Variants in MAD1L1 observed in about 807,000 individuals in gnomAD.
The protein encoded by MAD1L1 is mitotic arrest deficient 1 like 1.
Under a neutral mutation model 96.9 loss-of-function variants are expected in MAD1L1, and 95 were observed. The ratio of observed to expected loss-of-function variants is 0.98; its 90% confidence interval spans 0.83 to 1.16. The LOEUF (loss-of-function observed/expected upper bound fraction) is 1.16. Among genes scored for constraint, MAD1L1 ranks in the 50% most tolerant of loss-of-function variants. The pLI is 0.00. For missense variants in MAD1L1, 1,007 were observed against 954.4 expected (o/e 1.06, Z -0.73); for synonymous variants, 473 against 396.6 (o/e 1.19, Z -2.29).
chr7:2,167,842 C>G (rs1014167563), intron 10 of MAD1L1, among the ~76,000 whole-genome samples: 12 of 151,950 alleles, frequency 7.9e-5, no homozygotes, highest in African/African-American at 2.7e-4. Flanking sequence ...TGATACCAGC[C>G]AGGGCAACAT....
At chr7:2,118,597 A>G (rs1162656784) in intron 11 of MAD1L1, among the ~76,000 whole-genome samples, 2 of 152,222 alleles carry the variant, frequency 1.3e-5, no homozygotes, top group Non-Finnish European at 2.9e-5. Flanking sequence ...TGTTGGTGAC[A>G]GGCCCTCGAT....
chr7:1,894,728 C>T (rs1786760106), intron 18 of MAD1L1, among the ~76,000 whole-genome samples: 1 of 151,938 alleles, frequency 6.6e-6, no homozygotes, highest in Admixed American at 6.6e-5. Context: ...GAGCGGGGTG[C>T]TAGGCACAGC....
chr7:1,908,620 C>A (rs968435571), intron 17 of MAD1L1, among the ~76,000 whole-genome samples: 1 of 152,234 alleles, frequency 6.6e-6, no homozygotes, highest in South Asian at 2.1e-4. Flanking sequence ...GTGTGCCTCC[C>A]ACAGTGTTGG....
At chr7:1,855,242 G>A (rs898434144) in intron 18 of MAD1L1, among the ~76,000 whole-genome samples, 3 of 152,054 alleles carry the variant, frequency 2.0e-5, no homozygotes, top group African/African-American at 7.2e-5. Flanking sequence ...GGCAGACGGG[G>A]CCTGAGGTCA....
intron 15 of MAD1L1, among the ~76,000 whole-genome samples, chr7:1,975,667 G>A (rs1708503473): frequency 1.3e-5 from 2 of 152,198 alleles, no homozygotes; most frequent in South Asian, 4.1e-4. Flanking sequence ...CTGGCCCTCT[G>A]GAAAGGACGT....
intron 17 of MAD1L1, among the ~76,000 whole-genome samples, chr7:1,922,176 G>C (rs1312315087): frequency 1.3e-5 from 2 of 152,342 alleles, no homozygotes; most frequent in Non-Finnish European, 2.9e-5. Context: ...AGCATCACCA[G>C]CCCAGCGGCG....
At chr7:2,218,717 G>C (rs1470051757) in intron 6 of MAD1L1, among the ~76,000 whole-genome samples, 1 of 151,736 alleles carries the variant, frequency 6.6e-6, no homozygotes, top group Non-Finnish European at 1.5e-5. Context: ...GACCAGCCTG[G>C]GTTACAAAGC....
chr7:1,927,672 C>T (rs1217138615), intron 17 of MAD1L1, among the ~76,000 whole-genome samples: 1 of 152,134 alleles, frequency 6.6e-6, no homozygotes. Context: ...CAAGCTCACA[C>T]CATGGGCAAA....
intron 12 of MAD1L1, among the ~76,000 whole-genome samples, chr7:2,034,492 A>G (rs56269126): frequency 0.15 from 22,266 of 152,250 alleles, 3,518 homozygotes; most frequent in African/African-American, 0.39. Flanking sequence ...CTAGGATTAC[A>G]GGCATGAGCC....
At chr7:2,161,138 G>A (rs1363695082) in intron 10 of MAD1L1, among the ~76,000 whole-genome samples, 4 of 1,134 alleles carry the variant, frequency 3.5e-3, no homozygotes, top group East Asian at 0.025. Flanking sequence ...CCCTTTGCAC[G>A]GTCTCCCTCT....
intron 17 of MAD1L1, among the ~76,000 whole-genome samples, chr7:1,913,113 T>C (rs140170253): frequency 1.1e-4 from 17 of 152,342 alleles, no homozygotes; most frequent in Non-Finnish European, 1.6e-4. Context: ...CCTGTCTCTT[T>C]TCCCCTTTTG....
Position 1,866,675 on chromosome 7 carries a change from G to A in MAD1L1, c.1998+31525C>T, listed in dbSNP as rs545662815. Among the ~76,000 whole-genome samples the A allele has an allele frequency of 2.2e-4, 33 of 152,352 alleles. No individual in the cohort carries two copies. In the Middle Eastern group the frequency reaches 0.01, roughly 47 times the overall value. On this transcript the variant is annotated intron_variant, in intron 18 of 18. Coordinates refer to ENST00000265854, the MANE Select transcript of MAD1L1 (RefSeq NM_001013836.2). ...TGCCGGCCAGCCCCAGAGCAGTCCTGCTTGGCGGGAGCGTTGGGGGCAGGC... is the reference window on the plus strand; with the variant it reads ...TGCCGGCCAGCCCCAGAGCAGTCCTACTTGGCGGGAGCGTTGGGGGCAGGC...
intron 18 of MAD1L1, among the ~76,000 whole-genome samples, chr7:1,876,064 C>T: frequency 6.6e-6 from 1 of 152,246 alleles, no homozygotes; most frequent in East Asian, 1.9e-4. Flanking sequence ...TTTGCGGTCT[C>T]AGCCCCCCGC....
At chr7:2,123,675 C>T (rs950385386) in intron 11 of MAD1L1, among the ~76,000 whole-genome samples, 1 of 152,194 alleles carries the variant, frequency 6.6e-6, no homozygotes, top group Non-Finnish European at 1.5e-5. Context: ...TACCAGGAAG[C>T]GAGTCGGAGG....
chr7:2,204,647 T>A (rs1411780847), intron 10 of MAD1L1, among the ~76,000 whole-genome samples: 4 of 152,272 alleles, frequency 2.6e-5, no homozygotes, highest in African/African-American at 9.6e-5. Context: ...TGCCGCGCAT[T>A]ACACTGCGTG....
At chr7:2,150,745 A>T (rs549857055) in intron 10 of MAD1L1, among the ~76,000 whole-genome samples, 4 of 152,192 alleles carry the variant, frequency 2.6e-5, no homozygotes, top group Non-Finnish European at 5.9e-5. Flanking sequence ...ACACACACCC[A>T]GGGCTGGTCA....
intron 10 of MAD1L1, among the ~76,000 whole-genome samples, chr7:2,204,309 C>T (rs569172720): frequency 3.9e-5 from 6 of 152,294 alleles, no homozygotes; most frequent in South Asian, 2.1e-4. Context: ...AAGAGCTGAC[C>T]GTCTGCTGTT....
At chr7:2,172,467 A>AG (rs573445844) in intron 10 of MAD1L1, among the ~76,000 whole-genome samples, 178 of 152,304 alleles carry the variant, frequency 1.2e-3, no homozygotes, top group Non-Finnish European at 1.8e-3. Context: ...GGGTCTCCAG[A>AG]GAACATCCAC....
intron 13 of MAD1L1, among the ~76,000 whole-genome samples, chr7:2,003,494 G>C (rs1781896588): frequency 6.6e-6 from 1 of 152,098 alleles, no homozygotes; most frequent in Non-Finnish European, 1.5e-5. Context: ...CCAGGCTCTG[G>C]ACTTCCCACG....
Sources: allele counts gnomAD v4.1 joint callset (sites outside exome capture counted in the v4.1 genomes callset), GRCh38; gene constraint gnomAD v4.1.1; transcripts MANE v1.5; gene names NCBI Gene and HGNC (gene_info 2026-07-23, HGNC 2026-07-21).